The following LDB1 variants were observed in gnomAD, a reference collection of about 807,000 sequenced individuals.
LDB1 encodes LIM domain binding 1.
In LDB1, 6 loss-of-function variants were observed where a neutral mutation model predicts 49.7. The ratio of observed to expected loss-of-function variants is 0.12; its 90% CI spans 0.07 to 0.24. The LOEUF is 0.24. Ranked by LOEUF, LDB1 falls within the 10% of genes least tolerant of loss-of-function variation. The pLI is 1.00. For missense variants in LDB1, 341 were observed against 561.7 expected (o/e 0.61, Z 3.97); for synonymous variants, 233 against 202.0 (o/e 1.15, Z -1.30).
chr10:102,118,060 G>A (rs1564917096), intron 1 of LDB1, among the ~76,000 whole-genome samples: 2 of 152,080 alleles, frequency 1.3e-5, no homozygotes, highest in South Asian at 2.1e-4. Flanking sequence ...GGGCGCCTCA[G>A]CCCTCACCCC....
At chr10:102,118,067 C>G (rs1173954634) in intron 1 of LDB1, among the ~76,000 whole-genome samples, 1 of 152,106 alleles carries the variant, frequency 6.6e-6, no homozygotes, top group Non-Finnish European at 1.5e-5. Flanking sequence ...TCAGCCCTCA[C>G]CCCAGGGCTG....
chr10:102,111,679 C>T, intron 1 of LDB1, 143 bp from the exon 2 acceptor site: 4 of 519,190 alleles, frequency 7.7e-6, no homozygotes, highest in Non-Finnish European at 1.4e-5. Context: ...AGCGAGACCT[C>T]GTCTCTAAAA....
At chr10:102,120,005 A>T in intron 1 of LDB1, 81 bp downstream of exon 1, 1 of 1,149,968 alleles carries the variant, frequency 8.7e-7, no homozygotes, top group Non-Finnish European at 1.2e-6. Context: ...CCCCCCACAC[A>T]AGTTCTCGCC....
chr10:102,114,812 G>GGGGGGCCCCCCCCCCC, intron 1 of LDB1: 36 of 929,798 alleles, frequency 3.9e-5, no homozygotes, highest in Middle Eastern at 5.5e-4. Flanking sequence ...CCTCCGAGCA[G>GGGGGGCCCCCCCCCCC]CCCGCCCGCC....
In LDB1 at chr10:102,106,841, G is replaced by A. The variant is rs1244557139; in HGVS notation, c.*1252C>T. Reference sequence around the variant, plus strand: ...GCACCCTGGCAGAGCCGAGGATCCCGGCTGCCTCCTCCTCCTTCCTTCTGT... The same window carrying A: ...GCACCCTGGCAGAGCCGAGGATCCCAGCTGCCTCCTCCTCCTTCCTTCTGT... On this transcript the variant is annotated 3_prime_UTR_variant, in exon 11 of 11. Transcript: ENST00000673968. Among the ~76,000 whole-genome samples the A allele has an allele frequency of 6.6e-6, 1 of 152,098 alleles. No homozygotes were observed.
rs2068170502 is a variant in LDB1, at chr10:102,106,940, G to A, written c.*1153C>T. On this transcript the variant is annotated 3_prime_UTR_variant, in exon 11 of 11. Transcript: ENST00000673968. ...ACCTCACCTATGGGGACAGAGGCCT[G>A]TTCCTCCCTGGTGGGCTTAGAACTG... 1.3e-5 allele frequency among the ~76,000 whole-genome samples: 2 copies of A among 152,150 alleles called. No individual in the cohort carries two copies. The highest frequency in any genetic ancestry group is 1.5e-5 in the Non-Finnish European group (1 of 68,022).
At chr10:102,120,374 TGTGTGCGTGTGTGCGC>T, upstream of LDB1, 2 of 983,682 alleles carry the variant, frequency 2.0e-6, no homozygotes, top group South Asian at 4.7e-5. Context: ...TGTGTGTCCG[TGTGTGCGTGTGTGCGC>T]GTGTGCGTGT....
chr10:102,103,155 G>A (rs568323068), downstream of LDB1, among the ~76,000 whole-genome samples: 5 of 151,570 alleles, frequency 3.3e-5, no homozygotes, highest in Admixed American at 1.3e-4. Flanking sequence ...TCGGCCTCCC[G>A]AGTAGCTGGG....
Position 102,114,461 on chromosome 10 carries a change from G to A in LDB1, c.26-2925C>T, listed in dbSNP as rs2068303307. Reference sequence around the variant, plus strand: ...CGGGGGAGCGACTGCAAGCCCAGAGGAGTCCTGGCAGGGGTGAGGGCTGAC... The same window carrying A: ...CGGGGGAGCGACTGCAAGCCCAGAGAAGTCCTGGCAGGGGTGAGGGCTGAC... On this transcript the variant is annotated intron_variant, in intron 1 of 10. Transcript: ENST00000673968. 4 of 986,426 alleles carry A rather than the reference G, an allele frequency of 4.1e-6. No homozygotes were observed. The South Asian group carries it at 1.4e-4, about 35-fold the overall frequency. The allele number at this position is 986,426 out of a possible 1,614,324, so 61.1% of individuals were successfully genotyped here.
chr10:102,107,263 G>A lies in LDB1; in HGVS notation c.*830C>T, dbSNP rs1196088102. On this transcript the variant is annotated 3_prime_UTR_variant, in exon 11 of 11. Coordinates refer to ENST00000673968, the MANE Select transcript of LDB1 (RefSeq NM_001113407.3). ...AGAGAGGGAGTCACAAGCACTAGGA[G>A]GGCAGGCCAGAGTCCAGAGAATGGG... Among the ~76,000 whole-genome samples the A allele has an allele frequency of 6.6e-6, 1 of 152,108 alleles. No individual in the cohort carries two copies. The highest frequency in any genetic ancestry group is 1.5e-5 in the Non-Finnish European group (1 of 68,022).
Position 102,109,539 on chromosome 10 carries a change from GGACA to G in LDB1, c.733-36_733-33del. On this transcript the variant is annotated intron_variant, in intron 8 of 10. Coordinates refer to ENST00000673968, the MANE Select transcript of LDB1 (RefSeq NM_001113407.3). This position sits in a 1 kb window ranked among gnomAD's most constrained non-coding sequence, Gnocchi z 5.8. ...GTAGACAAGGAGGTGGCTTGTCAGG[GGACA>G]GACATGGAGCCGAGACTAAATGGAC... 6.2e-7 allele frequency: 1 copy of G among 1,614,110 alleles called. No individual in the cohort carries two copies. Among genetic ancestry groups the G allele is most frequent in the East Asian group, 2.2e-5 (1 of 44,882 alleles).
At chr10:102,120,480 G>T (rs970639300), upstream of LDB1, 4 of 776,466 alleles carry the variant, frequency 5.2e-6, no homozygotes, top group South Asian at 5.8e-5. Context: ...CGCCGGCGCC[G>T]GCTCCCCAGC....
chr10:102,119,754 G>C (rs987590408), intron 1 of LDB1, among the ~76,000 whole-genome samples: 1 of 148,068 alleles, frequency 6.8e-6, no homozygotes, highest in Non-Finnish European at 1.5e-5. Context: ...TGAGGGGGGG[G>C]GTCAAAAGTC....
chr10:102,111,564 T>C, intron 1 of LDB1, 28 bp from the exon 2 acceptor site: 1 of 1,371,674 alleles, frequency 7.3e-7, no homozygotes, highest in Non-Finnish European at 9.9e-7. Flanking sequence ...GAGTCATAGC[T>C]GGGCGCGGTG....
At position 102,110,864 on chromosome 10, in the gene LDB1, C is replaced by CT. The variant is rs779809175; in HGVS notation, c.352+4dup. ...CCTCATAGCAAGACCCCAGAGGCCA[C>CT]TTACTATATCTCTTTGGTCCATCCT... On this transcript the variant is annotated splice_donor_region_variant and intron_variant, in intron 5 of 10. Transcript: ENST00000673968. 5 of 1,613,014 alleles carry CT rather than the reference C, an allele frequency of 3.1e-6. No individual in the cohort carries two copies. The highest frequency in any genetic ancestry group is 3.4e-6 in the Non-Finnish European group (4 of 1,179,000).
intron 10 of LDB1, 177 bp downstream of exon 10, chr10:102,108,852 C>T (rs1045494319): frequency 6.5e-6 from 5 of 774,282 alleles, no homozygotes; most frequent in Admixed American, 2.2e-5. Flanking sequence ...TGTGATCACA[C>T]CCATGCAAGT....
downstream of LDB1, among the ~76,000 whole-genome samples, chr10:102,102,097 G>T (rs982127415): frequency 4.6e-5 from 7 of 151,976 alleles, no homozygotes; most frequent in African/African-American, 1.4e-4. Context: ...ATTTTTTTTT[G>T]TATTTTTCAT....
At chr10:102,104,369 C>T (rs376692388), downstream of LDB1, among the ~76,000 whole-genome samples, 10 of 152,230 alleles carry the variant, frequency 6.6e-5, no homozygotes, top group East Asian at 7.7e-4. Flanking sequence ...TACAAACACA[C>T]GTATACACTG....
chr10:102,120,394 TGCGTGTGC>T, upstream of LDB1: 4 of 983,476 alleles, frequency 4.1e-6, no homozygotes, highest in Non-Finnish European at 4.8e-6. Context: ...TGTGCGCGTG[TGCGTGTGC>T]GTGTCTGTGC....
Sources: allele counts gnomAD v4.1 joint callset (sites outside exome capture counted in the v4.1 genomes callset), GRCh38; gene constraint gnomAD v4.1.1; non-coding constraint Gnocchi (gnomAD v3.1); transcripts MANE v1.5; gene names NCBI Gene and HGNC (gene_info 2026-07-23, HGNC 2026-07-21).